Variants in CDH13 observed in about 807,000 individuals in gnomAD.
CDH13 encodes cadherin-13.
CDH13 carries 24 observed loss-of-function variants against 63.8 expected under a neutral mutation model. The ratio of observed to expected loss-of-function variants is 0.38; its 90% CI spans 0.27 to 0.53. CDH13 has a LOEUF of 0.53. Among genes scored for constraint, CDH13 ranks in the 20% least tolerant of loss-of-function variants. CDH13 has a pLI of 0.85. For missense variants in CDH13, 1,049 were observed against 903.1 expected (o/e 1.16, Z -2.07); for synonymous variants, 503 against 355.3 (o/e 1.42, Z -4.67).
chr16:83,250,898 T>A (rs1319683179), intron 5 of CDH13, among the ~76,000 whole-genome samples: 1 of 152,212 alleles, frequency 6.6e-6, no homozygotes, highest in Non-Finnish European at 1.5e-5. Context: ...GTGACACTGT[T>A]ATGCAAACAT....
intron 3 of CDH13, among the ~76,000 whole-genome samples, chr16:83,037,913 A>T (rs1435682617): frequency 6.6e-6 from 1 of 152,192 alleles, no homozygotes. Context: ...ACATCAAGGG[A>T]CAGTTCCCAT....
intron 5 of CDH13, among the ~76,000 whole-genome samples, chr16:83,272,466 G>A (rs148848605): frequency 3.9e-5 from 6 of 152,102 alleles, no homozygotes; most frequent in African/African-American, 9.7e-5. Context: ...AATACCACAC[G>A]GGTATTTTCC....
chr16:83,441,186 C>A (rs1391967860), intron 6 of CDH13, among the ~76,000 whole-genome samples: 2 of 152,184 alleles, frequency 1.3e-5, no homozygotes, highest in Non-Finnish European at 1.5e-5. Context: ...GTGGATGGAT[C>A]TTCCAGAGAC....
At chr16:83,504,052 C>A (rs538448299) in intron 7 of CDH13, among the ~76,000 whole-genome samples, 10 of 152,100 alleles carry the variant, frequency 6.6e-5, no homozygotes, top group Non-Finnish European at 1.2e-4. Flanking sequence ...AGCAAACCAC[C>A]ATGGCACATG....
At chr16:82,662,822 T>C (rs574903537) in intron 1 of CDH13, among the ~76,000 whole-genome samples, 2 of 152,256 alleles carry the variant, frequency 1.3e-5, no homozygotes, top group South Asian at 4.1e-4. Flanking sequence ...AGAAGATCAA[T>C]GAGAAGATGT....
chr16:83,185,703 A>G (rs540451845), intron 4 of CDH13, among the ~76,000 whole-genome samples: 1 of 152,316 alleles, frequency 6.6e-6, no homozygotes, highest in African/African-American at 2.4e-5. Context: ...TCTGCAGGTT[A>G]TCATAACGAG....
chr16:83,055,915 C>A (rs1280405872), intron 3 of CDH13, among the ~76,000 whole-genome samples: 2 of 152,036 alleles, frequency 1.3e-5, no homozygotes, highest in Non-Finnish European at 2.9e-5. Context: ...AGTGAAAAGG[C>A]AGGCTATACA....
intron 2 of CDH13, among the ~76,000 whole-genome samples, chr16:82,884,835 C>G (rs1418674264): frequency 2.6e-5 from 4 of 152,286 alleles, no homozygotes; most frequent in South Asian, 4.1e-4. Flanking sequence ...ATTTTCTTCT[C>G]CAGTCATCAA....
intron 1 of CDH13, among the ~76,000 whole-genome samples, chr16:82,651,483 C>T (rs1307920891): frequency 1.3e-5 from 2 of 152,248 alleles, no homozygotes; most frequent in Admixed American, 6.5e-5. Flanking sequence ...TCCAGGTCTT[C>T]TGACTCCATA....
At chr16:83,607,215 C>G (rs183687793) in intron 8 of CDH13, among the ~76,000 whole-genome samples, 3 of 152,154 alleles carry the variant, frequency 2.0e-5, no homozygotes, top group Admixed American at 2.0e-4. Flanking sequence ...GTCAGGAGTT[C>G]GAGACCAACC....
intron 1 of CDH13, among the ~76,000 whole-genome samples, chr16:82,846,266 A>C (rs1166955712): frequency 6.6e-6 from 1 of 152,146 alleles, no homozygotes; most frequent in East Asian, 1.9e-4. Context: ...TTTTCATCCA[A>C]AGAGCATGTT....
intron 1 of CDH13, among the ~76,000 whole-genome samples, chr16:82,844,187 T>G (rs920352232): frequency 2.6e-5 from 4 of 152,046 alleles, no homozygotes; most frequent in Non-Finnish European, 4.4e-5. Context: ...GACGATGTGA[T>G]GAAGGAAGAG....
intron 6 of CDH13, among the ~76,000 whole-genome samples, chr16:83,451,168 A>C (rs1304276481): frequency 6.6e-6 from 1 of 152,210 alleles, no homozygotes; most frequent in African/African-American, 2.4e-5. Flanking sequence ...TCACGCTGCT[A>C]ATAAAGACAT....
chr16:82,801,852 G>C (rs1344867848), intron 1 of CDH13, among the ~76,000 whole-genome samples: 3 of 152,212 alleles, frequency 2.0e-5, no homozygotes, highest in Non-Finnish European at 4.4e-5. Flanking sequence ...AACTCCTGGT[G>C]TCTTAGATTT....
chr16:82,931,817 A>G (rs951946688), intron 2 of CDH13, among the ~76,000 whole-genome samples: 4 of 152,290 alleles, frequency 2.6e-5, no homozygotes, highest in South Asian at 2.1e-4. Flanking sequence ...AACCATCCCC[A>G]TGATTCATTA....
chr16:82,796,292 G>A (rs1330768735), intron 1 of CDH13, among the ~76,000 whole-genome samples: 1 of 152,114 alleles, frequency 6.6e-6, no homozygotes, highest in Non-Finnish European at 1.5e-5. Context: ...GGGTACCTGG[G>A]AAACATCAAG....
intron 6 of CDH13, among the ~76,000 whole-genome samples, chr16:83,475,724 G>C (rs923605494): frequency 6.6e-6 from 1 of 152,144 alleles, no homozygotes; most frequent in Non-Finnish European, 1.5e-5. Context: ...TAGGATTACA[G>C]GGACATGCCA....
chr16:83,267,328 C>T (rs954369139), intron 5 of CDH13, among the ~76,000 whole-genome samples: 10 of 152,208 alleles, frequency 6.6e-5, no homozygotes, highest in East Asian at 3.9e-4. Context: ...ATTCAGAGCC[C>T]GGCTGGATTA....
At chr16:83,233,071 G>A (rs2040048459) in intron 5 of CDH13, among the ~76,000 whole-genome samples, 1 of 152,096 alleles carries the variant, frequency 6.6e-6, no homozygotes, top group African/African-American at 2.4e-5. Flanking sequence ...TTGGCGGCAG[G>A]GCCAGCTTTA....
Sources: allele counts gnomAD v4.1 joint callset (sites outside exome capture counted in the v4.1 genomes callset), GRCh38; gene constraint gnomAD v4.1.1; transcripts MANE v1.5; gene names NCBI Gene and HGNC (gene_info 2026-07-23, HGNC 2026-07-21).